ZNF280D: variants seen among roughly 807,000 people sequenced by gnomAD.
The protein encoded by ZNF280D is suppressor of hairy wing homolog 4.
In ZNF280D, 39 loss-of-function variants were observed where a neutral mutation model predicts 94.7. That is an observed-to-expected ratio of 0.41 (90% CI 0.32 to 0.54). The LOEUF (loss-of-function observed/expected upper bound fraction) is 0.54, where lower values mean the gene tolerates loss of function less well. Ranked by LOEUF, ZNF280D falls within the 20% of genes least tolerant of loss-of-function variation. ZNF280D has a pLI of 0.22. For missense variants in ZNF280D, 1,090 were observed against 1,149.3 expected (o/e 0.95, Z 0.75); for synonymous variants, 398 against 377.6 (o/e 1.05, Z -0.63).
intron 3 of ZNF280D, among the ~76,000 whole-genome samples, chr15:56,706,577 A>G (rs1315461909): frequency 6.6e-6 from 1 of 152,082 alleles, no homozygotes; most frequent in Non-Finnish European, 1.5e-5. Flanking sequence ...GAAGAAATCA[A>G]TCCTAACGAC....
At chr15:56,702,023 C>CA (rs36004101) in intron 4 of ZNF280D, among the ~76,000 whole-genome samples, 33,060 of 128,542 alleles carry the variant, frequency 0.26, 5,254 homozygotes, top group African/African-American at 0.45. Flanking sequence ...AAAAAGCACC[C>CA]AAAAAAAAAA....
intron 1 of ZNF280D, among the ~76,000 whole-genome samples, chr15:56,731,403 C>T (rs922585452): frequency 2.0e-5 from 3 of 147,914 alleles, no homozygotes; most frequent in African/African-American, 5.0e-5. Context: ...CTCAGGAGGC[C>T]GAGGTGGGAG....
At chr15:56,679,134 G>A (rs2055447134) in intron 10 of ZNF280D, among the ~76,000 whole-genome samples, 1 of 151,928 alleles carries the variant, frequency 6.6e-6, no homozygotes, top group Non-Finnish European at 1.5e-5. Flanking sequence ...ACAGGCTTCT[G>A]ATCCATACTT....
At chr15:56,641,145 T>C (rs2052608561) in intron 20 of ZNF280D, among the ~76,000 whole-genome samples, 1 of 152,084 alleles carries the variant, frequency 6.6e-6, no homozygotes, top group South Asian at 2.1e-4. Context: ...CTCATTTGTT[T>C]ACTTTTTTCA....
chr15:56,653,087 T>G (rs550338774), intron 19 of ZNF280D: 1 of 986,272 alleles, frequency 1.0e-6, no homozygotes, highest in South Asian at 4.7e-5. Flanking sequence ...GTTAATAGAT[T>G]TTATATGTCA....
At chr15:56,677,390 G>C (rs1022389899) in intron 12 of ZNF280D, among the ~76,000 whole-genome samples, 184 bp downstream of exon 12, 1 of 152,080 alleles carries the variant, frequency 6.6e-6, no homozygotes, top group Admixed American at 6.6e-5. Flanking sequence ...TCTTTGTCCA[G>C]TACAGAGATA....
intron 12 of ZNF280D, among the ~76,000 whole-genome samples, chr15:56,677,122 A>AC (rs1244270246): frequency 6.6e-6 from 1 of 152,180 alleles, no homozygotes; most frequent in Non-Finnish European, 1.5e-5. Flanking sequence ...CTTGCTCTAT[A>AC]AAATGTTTTT....
At chr15:56,692,388 T>G (rs1442624561) in intron 7 of ZNF280D, among the ~76,000 whole-genome samples, 2 of 152,090 alleles carry the variant, frequency 1.3e-5, no homozygotes, top group Non-Finnish European at 2.9e-5. Flanking sequence ...TATACGTCTG[T>G]TTAGTCAAAT....
At chr15:56,660,854 C>A (rs766209367) in intron 16 of ZNF280D, among the ~76,000 whole-genome samples, 2 of 151,908 alleles carry the variant, frequency 1.3e-5, no homozygotes, top group East Asian at 3.9e-4. Context: ...TAAGTAACAA[C>A]CTTACTTTCT....
intron 1 of ZNF280D, among the ~76,000 whole-genome samples, chr15:56,723,924 G>A (rs543996630): frequency 6.6e-5 from 10 of 152,184 alleles, no homozygotes; most frequent in African/African-American, 2.2e-4. Flanking sequence ...TACCTTAAAC[G>A]TGCTCAGAAC....
intron 20 of ZNF280D, among the ~76,000 whole-genome samples, chr15:56,642,584 A>G (rs1231754071): frequency 6.6e-6 from 1 of 151,756 alleles, no homozygotes; most frequent in Non-Finnish European, 1.5e-5. Flanking sequence ...TAACCTTTTG[A>G]CAGTTAAAAT....
chr15:56,707,050 A>ATAT (rs1219671923), intron 3 of ZNF280D, 32 bp downstream of exon 3: 16 of 1,602,580 alleles, frequency 1.0e-5, no homozygotes, highest in Non-Finnish European at 1.4e-5. Context: ...AAAGCCACAT[A>ATAT]TATTAGTATT....
At chr15:56,664,335 G>C (rs12916079) in intron 16 of ZNF280D, among the ~76,000 whole-genome samples, 73,051 of 151,928 alleles carry the variant, frequency 0.48, 19,399 homozygotes, top group Non-Finnish European at 0.6. Context: ...AGGCAGTTGG[G>C]ACAAACTGTC....
intron 1 of ZNF280D, among the ~76,000 whole-genome samples, chr15:56,712,594 CAAAAAA>C (rs1171267893): frequency 3.9e-5 from 3 of 76,982 alleles, no homozygotes; most frequent in Non-Finnish European, 6.8e-5. Flanking sequence ...ACCCTCATAC[CAAAAAA>C]AAAAAAAAAA....
chr15:56,642,921 C>T, intron 20 of ZNF280D, 31 bp downstream of exon 20: 1 of 1,448,716 alleles, frequency 6.9e-7, no homozygotes, highest in South Asian at 1.5e-5. Flanking sequence ...AATGTATAAA[C>T]CTTTAAGGTA....
chr15:56,662,206 T>A (rs2053986989), intron 16 of ZNF280D, among the ~76,000 whole-genome samples: 1 of 152,104 alleles, frequency 6.6e-6, no homozygotes, highest in Non-Finnish European at 1.5e-5. Flanking sequence ...TTATGTGCAT[T>A]TTTTTCAGAT....
chr15:56,654,900 T>TAGG (rs1351563487), intron 17 of ZNF280D: 6 of 448,850 alleles, frequency 1.3e-5, no homozygotes, highest in Non-Finnish European at 2.2e-5. Flanking sequence ...TATTTTTATA[T>TAGG]ATACTGTACT....
chr15:56,689,999 C>T (rs1296136250), intron 7 of ZNF280D, among the ~76,000 whole-genome samples: 4 of 152,188 alleles, frequency 2.6e-5, no homozygotes, highest in Non-Finnish European at 5.9e-5. Flanking sequence ...GAGCGGTCTA[C>T]TCATGGCTTT....
At chr15:56,661,415 A>G (rs2053936364) in intron 16 of ZNF280D, among the ~76,000 whole-genome samples, 1 of 152,194 alleles carries the variant, frequency 6.6e-6, no homozygotes, top group African/African-American at 2.4e-5. Context: ...ACTGGAAAAA[A>G]GGGGGAAAAC....
Sources: allele counts gnomAD v4.1 joint callset (sites outside exome capture counted in the v4.1 genomes callset), GRCh38; gene constraint gnomAD v4.1.1; transcripts MANE v1.5; gene names NCBI Gene and HGNC (gene_info 2026-07-23, HGNC 2026-07-21).